The following ANKRD42 variants were observed in gnomAD, a reference collection of about 807,000 sequenced individuals.
The protein encoded by ANKRD42 is ankyrin repeat domain-containing protein 42.
ANKRD42 carries 43 observed loss-of-function variants against 51.5 expected under a neutral mutation model. The ratio of observed to expected loss-of-function variants is 0.83; its 90% CI spans 0.65 to 1.08. The LOEUF (loss-of-function observed/expected upper bound fraction) is 1.08, where lower values mean the gene tolerates loss of function less well. Among genes scored for constraint, ANKRD42 ranks in the 50% least tolerant of loss-of-function variants. The pLI is 0.00. For missense variants in ANKRD42, 608 were observed against 629.3 expected (o/e 0.97, Z 0.36); for synonymous variants, 203 against 213.0 (o/e 0.95, Z 0.41).
At chr11:83,218,395 A>G (rs749310285) in intron 5 of ANKRD42, among the ~76,000 whole-genome samples, 5 of 152,136 alleles carry the variant, frequency 3.3e-5, no homozygotes, top group Non-Finnish European at 5.9e-5. Flanking sequence ...TAAATGTCCA[A>G]ATTGCTGGGC....
chr11:83,261,179 G>C (rs988515714), downstream of ANKRD42: 1 of 152,106 alleles, frequency 6.6e-6, no homozygotes, highest in African/African-American at 2.4e-5. Context: ...AGATTCTCCT[G>C]CCTCAGCCTC....
At chr11:83,254,391 A>G (rs1863727342) in intron 11 of ANKRD42, among the ~76,000 whole-genome samples, 1 of 150,436 alleles carries the variant, frequency 6.6e-6, no homozygotes, top group South Asian at 2.1e-4. Flanking sequence ...TAGTTGGATT[A>G]GGTTAAACTC....
intron 1 of ANKRD42, among the ~76,000 whole-genome samples, chr11:83,196,006 C>T (rs187545445): frequency 2.6e-5 from 4 of 152,208 alleles, no homozygotes; most frequent in African/African-American, 7.2e-5. Flanking sequence ...CCACCACACC[C>T]GGCTAATTTT....
chr11:83,239,616 C>T (rs1014834244), intron 8 of ANKRD42, among the ~76,000 whole-genome samples: 1 of 152,000 alleles, frequency 6.6e-6, no homozygotes, highest in Non-Finnish European at 1.5e-5. Flanking sequence ...TATGGATATC[C>T]AGTTCTAGAC....
chr11:83,248,069 C>T lies in ANKRD42; in HGVS notation c.1449C>T (p.Val483=). 6.3e-7 allele frequency: 1 copy of T among 1,587,716 alleles called. No homozygotes were observed. Among genetic ancestry groups the T allele is most frequent in the Non-Finnish European group, 8.6e-7 (1 of 1,166,432 alleles). Residue 483 remains valine, a synonymous_variant, in exon 11 of 11, where the codon GTC becomes GTT. Coordinates refer to ENST00000533342, the MANE Select transcript of ANKRD42 (RefSeq NM_001300975.2). Reference sequence around the variant, plus strand: ...GGGAAACACTGGAAAAAATTCAAGTCCCAAACTTTGTGGCTATGGTTGGTG... The same window carrying T: ...GGGAAACACTGGAAAAAATTCAAGTTCCAAACTTTGTGGCTATGGTTGGTG... ...QLRETLEKIQ[V]PNFVAMVGVL... is the part of the protein sequence containing the mutation.
At chr11:83,236,353 T>A (rs773247990) in intron 7 of ANKRD42, 51 bp from the exon 8 acceptor site, 18 of 1,493,090 alleles carry the variant, frequency 1.2e-5, no homozygotes, top group Non-Finnish European at 1.6e-5. Context: ...TTGTTACTAA[T>A]AACTAACTTT....
chr11:83,195,845 C>CTT (rs573093104), intron 1 of ANKRD42, among the ~76,000 whole-genome samples: 2,469 of 138,402 alleles, frequency 0.018, 77 homozygotes, highest in African/African-American at 0.063. Flanking sequence ...CTCTCTCTCT[C>CTT]TTTTTTTTTT....
At chr11:83,213,462 C>A (rs962439890) in intron 5 of ANKRD42, 18 of 1,395,068 alleles carry the variant, frequency 1.3e-5, no homozygotes, top group Non-Finnish European at 1.6e-5. Flanking sequence ...AAAGAAAAAC[C>A]AAAAAACAAC....
intron 5 of ANKRD42, among the ~76,000 whole-genome samples, chr11:83,219,838 T>C (rs1220215194): frequency 6.6e-6 from 1 of 152,168 alleles, no homozygotes; most frequent in Non-Finnish European, 1.5e-5. Flanking sequence ...GACCATACGC[T>C]ATGGTAGGGA....
chr11:83,246,851 A>C (rs2135558612), intron 10 of ANKRD42, among the ~76,000 whole-genome samples: 1 of 152,336 alleles, frequency 6.6e-6, no homozygotes, highest in East Asian at 1.9e-4. Flanking sequence ...TAATATAAGG[A>C]TTAATGTGTC....
chr11:83,225,513 C>T (rs942845329), intron 6 of ANKRD42, among the ~76,000 whole-genome samples: 3 of 150,428 alleles, frequency 2.0e-5, no homozygotes, highest in African/African-American at 7.3e-5. Flanking sequence ...TACAGTGAAC[C>T]GTGATTGTAC....
chr11:83,251,712 A>G (rs547148), downstream of ANKRD42, among the ~76,000 whole-genome samples: 39,987 of 152,034 alleles, frequency 0.26, 5,435 homozygotes, highest in Middle Eastern at 0.41. Flanking sequence ...TAATTTTAGT[A>G]AATTAATTTA....
In ANKRD42 at chr11:83,229,135, T is replaced by C. The variant is rs1276190405; in HGVS notation, c.913+1263T>C. Among the ~76,000 whole-genome samples the C allele has an allele frequency of 2.6e-5, 4 of 152,108 alleles. No homozygotes were observed. In the East Asian group the frequency reaches 7.7e-4, roughly 29 times the overall value. ...TGGTTTTTTTTGAGGCTTCTCTCTT[T>C]GGCTTATAGATGACCTGCTGCCTTC... On this transcript the variant is annotated intron_variant, in intron 7 of 10. Coordinates refer to ENST00000533342, the MANE Select transcript of ANKRD42 (RefSeq NM_001300975.2).
In ANKRD42 at chr11:83,245,552, G is replaced by T; in HGVS notation, c.1250G>T (p.Ser417Ile). ...AGACACCTCCTGGAAATTGCCGAGAGCAACTATAAACACTTGGGAGGCATA... is the reference window on the plus strand; with the variant it reads ...AGACACCTCCTGGAAATTGCCGAGATCAACTATAAACACTTGGGAGGCATA... Reference protein sequence around the residue: ...ELRHLLEIAESNYKHLGGITE... With the variant: ...ELRHLLEIAEINYKHLGGITE... The change falls in exon 10 of 11, where the codon AGC becomes ATC. Residue 417 changes from serine to isoleucine, a missense_variant. By Grantham distance (142) the Ser-to-Ile change is moderately radical. Transcript: ENST00000533342. 6.5e-7 allele frequency: 1 copy of T among 1,536,646 alleles called. No individual in the cohort carries two copies. The highest frequency in any genetic ancestry group is 8.7e-7 in the Non-Finnish European group (1 of 1,147,014).
At chr11:83,223,124 C>G (rs940984857) in intron 5 of ANKRD42, among the ~76,000 whole-genome samples, 7 of 152,292 alleles carry the variant, frequency 4.6e-5, no homozygotes, top group African/African-American at 1.4e-4. Context: ...GTGGCACACA[C>G]CTGTAATCCC....
chr11:83,208,281 C>T (rs1270204221), intron 3 of ANKRD42, among the ~76,000 whole-genome samples: 4 of 152,102 alleles, frequency 2.6e-5, no homozygotes, highest in Admixed American at 2.0e-4. Context: ...GTCCTCCTGC[C>T]TTGGCCTCCC....
chr11:83,252,379 G>A (rs903230411), downstream of ANKRD42, among the ~76,000 whole-genome samples: 1 of 151,922 alleles, frequency 6.6e-6, no homozygotes, highest in African/African-American at 2.4e-5. Flanking sequence ...GTACACAGAT[G>A]GACACCAAAA....
At chr11:83,262,576 G>A (rs929183800), downstream of ANKRD42, among the ~76,000 whole-genome samples, 1 of 152,146 alleles carries the variant, frequency 6.6e-6, no homozygotes, top group Non-Finnish European at 1.5e-5. Context: ...TCTGAGTGAG[G>A]CCTTTAGGGA....
chr11:83,213,216 C>G, intron 5 of ANKRD42: 1 of 1,599,586 alleles, frequency 6.3e-7, no homozygotes, highest in Non-Finnish European at 8.5e-7. Context: ...CACATGCTGC[C>G]TACTGACTTC....
Sources: allele counts gnomAD v4.1 joint callset (sites outside exome capture counted in the v4.1 genomes callset), GRCh38; gene constraint gnomAD v4.1.1; transcripts MANE v1.5; gene names NCBI Gene and HGNC (gene_info 2026-07-23, HGNC 2026-07-21).